Variants in DGKB observed in about 807,000 individuals in gnomAD.
DGKB encodes diacylglycerol kinase beta, also known as 90 kDa diacylglycerol kinase.
A neutral mutation model predicts 114.3 loss-of-function variants in DGKB; 67 were observed. That is an observed-to-expected ratio of 0.59 (90% CI 0.48 to 0.72). The LOEUF is 0.72. Ranked by LOEUF, DGKB falls within the 30% of genes least tolerant of loss-of-function variation. The pLI is 0.00. For missense variants in DGKB, 907 were observed against 975.2 expected, an observed-to-expected ratio of 0.93 and a Z score of 0.93; for synonymous variants, 398 against 323.1, an observed-to-expected ratio of 1.23 and a Z score of -2.49.
At chr7:14,846,799 T>C (rs1363285469) in intron 1 of DGKB, among the ~76,000 whole-genome samples, 1 of 152,214 alleles carries the variant, frequency 6.6e-6, no homozygotes, top group Non-Finnish European at 1.5e-5. Flanking sequence ...TGGGCCACTG[T>C]ACCTGGGCTA....
At chr7:14,264,931 A>C (rs1479449148) in intron 23 of DGKB, among the ~76,000 whole-genome samples, 1 of 152,200 alleles carries the variant, frequency 6.6e-6, no homozygotes, top group Non-Finnish European at 1.5e-5. Flanking sequence ...AATAACTGAA[A>C]CAAAGACTTT....
chr7:14,363,750 G>A (rs183967877), intron 21 of DGKB, among the ~76,000 whole-genome samples: 2 of 152,180 alleles, frequency 1.3e-5, no homozygotes, highest in Admixed American at 1.3e-4. Context: ...TTTGCTACAA[G>A]AGCATTCAGG....
Position 14,392,995 on chromosome 7 carries a change from G to GTTTTTGTTTTTTTTTTTTTGT in DGKB, c.1836-47605_1836-47604insACAAAAAAAAAAAAACAAAAA. ...CAAAACAGACCTGTTTTTTGTTTTT[G>GTTTTTGTTTTTTTTTTTTTGT]TTTTTTTTTTTTTGAGACGGAGTCT... On this transcript the variant is annotated intron_variant, in intron 21 of 25. Coordinates refer to ENST00000402815, the MANE Select transcript of DGKB (RefSeq NM_001350709.2). Among the ~76,000 whole-genome samples, 7 of 60,548 alleles carry GTTTTTGTTTTTTTTTTTTTGT rather than the reference G, an allele frequency of 1.2e-4. 2 individuals carry two copies. In the East Asian group the frequency reaches 2.7e-3, roughly 23 times the overall value. The allele number at this position is 60,548 out of a possible 152,430, so 39.7% of individuals were successfully genotyped here. A position where few individuals can be genotyped will look rare whatever the true frequency, so the allele number is the denominator to read the frequency against.
At position 14,147,737 on chromosome 7, in the gene DGKB, A is replaced by C. The variant is rs549199710; in HGVS notation, c.*1394T>G. On this transcript the variant is annotated 3_prime_UTR_variant, in exon 26 of 26. Transcript: ENST00000402815. ...AACATGCAATGATGAGATGCAGGTC[A>C]ATATGAATGAACAATATTACAAGAC... is the stretch of plus-strand genomic sequence containing the variant. The C allele has an allele frequency of 3.9e-5, 6 of 152,590 alleles. No individual in the cohort carries two copies. The highest frequency in any genetic ancestry group is 8.8e-5 in the Non-Finnish European group (6 of 67,994). The allele number at this position is 152,590 out of a possible 1,614,324, so 9.5% of individuals were successfully genotyped here.
chr7:14,911,573 T>C (rs535507943), intron 1 of DGKB, among the ~76,000 whole-genome samples: 4 of 152,300 alleles, frequency 2.6e-5, no homozygotes, highest in African/African-American at 9.6e-5. Flanking sequence ...CAAGTGTAAA[T>C]TGAATTAACA....
chr7:14,871,453 T>C (rs2128196845), intron 1 of DGKB, among the ~76,000 whole-genome samples: 1 of 152,214 alleles, frequency 6.6e-6, no homozygotes, highest in South Asian at 2.1e-4. Flanking sequence ...AAAAAGATTG[T>C]CTTTAGTTAC....
chr7:14,702,191 A>T (rs1163857462), intron 6 of DGKB, among the ~76,000 whole-genome samples: 1 of 152,186 alleles, frequency 6.6e-6, no homozygotes, highest in African/African-American at 2.4e-5. Context: ...AAGTGAGAAT[A>T]ATCATTCTAC....
chr7:14,703,471 G>A (rs1450650346), intron 6 of DGKB, among the ~76,000 whole-genome samples: 1 of 152,154 alleles, frequency 6.6e-6, no homozygotes, highest in Admixed American at 6.5e-5. Context: ...TTTATGAAGA[G>A]CATTAGAAAA....
chr7:14,528,944 G>A (rs542048660), intron 20 of DGKB, among the ~76,000 whole-genome samples: 1 of 151,968 alleles, frequency 6.6e-6, no homozygotes, highest in Non-Finnish European at 1.5e-5. Context: ...AAAAGATGGA[G>A]TTCAGAATTT....
intron 25 of DGKB, among the ~76,000 whole-genome samples, chr7:14,162,910 C>T (rs1182756527): frequency 6.6e-6 from 1 of 152,070 alleles, no homozygotes; most frequent in Non-Finnish European, 1.5e-5. Context: ...ATCCATTTCC[C>T]CTTTATCCAG....
At chr7:14,869,512 A>AT (rs1339301926) in intron 1 of DGKB, among the ~76,000 whole-genome samples, 1 of 152,104 alleles carries the variant, frequency 6.6e-6, no homozygotes, top group Non-Finnish European at 1.5e-5. Context: ...CTATCATGGT[A>AT]TTTTTTATTA....
intron 19 of DGKB, 143 bp from the exon 20 acceptor site, chr7:14,574,515 A>C (rs1798838828): frequency 5.9e-6 from 4 of 673,622 alleles, no homozygotes; most frequent in Non-Finnish European, 9.8e-6. Flanking sequence ...CAAATGAAGA[A>C]TTAATTATAA....
At chr7:14,222,468 T>C (rs891845768) in intron 23 of DGKB, among the ~76,000 whole-genome samples, 7 of 151,470 alleles carry the variant, frequency 4.6e-5, no homozygotes, top group African/African-American at 1.4e-4. Flanking sequence ...TGTTATTGAT[T>C]TCTAATTTTA....
chr7:14,181,477 C>G (rs1470007446), intron 23 of DGKB, among the ~76,000 whole-genome samples: 1 of 152,164 alleles, frequency 6.6e-6, no homozygotes, highest in Non-Finnish European at 1.5e-5. Context: ...TGCCACAATC[C>G]ATTGGTTATT....
At chr7:14,580,045 G>A (rs1444723490) in intron 19 of DGKB, among the ~76,000 whole-genome samples, 2 of 152,122 alleles carry the variant, frequency 1.3e-5, no homozygotes, top group Non-Finnish European at 2.9e-5. Flanking sequence ...GATAAATATA[G>A]CCTATTAGTG....
In DGKB at chr7:14,182,217, A is replaced by C. The variant is rs141025124; in HGVS notation, c.2123-4066T>G. 2.3e-3 allele frequency among the ~76,000 whole-genome samples: 351 copies of C among 151,898 alleles called. 1 individual carries two copies. The highest frequency in any genetic ancestry group is 8.1e-3 in the African/African-American group (337 of 41,474). ...CTCTATAAAATAAAATAACACATTA[A>C]ATTTTATTTTTTTTATTTTTATCTT... On this transcript the variant is annotated intron_variant, in intron 23 of 25. Coordinates refer to ENST00000402815, the MANE Select transcript of DGKB (RefSeq NM_001350709.2).
chr7:14,347,380 T>C (rs908162278), intron 21 of DGKB, among the ~76,000 whole-genome samples: 1 of 151,974 alleles, frequency 6.6e-6, no homozygotes, highest in Non-Finnish European at 1.5e-5. Context: ...AAAACAGTAC[T>C]AAGTTTCCTC....
chr7:14,443,533 G>A (rs1187595849), intron 21 of DGKB, among the ~76,000 whole-genome samples: 1 of 152,066 alleles, frequency 6.6e-6, no homozygotes, highest in Non-Finnish European at 1.5e-5. Context: ...ATCATGGGTT[G>A]ACAATTATTT....
At chr7:14,711,926 A>G (rs1414435327) in intron 6 of DGKB, among the ~76,000 whole-genome samples, 1 of 152,224 alleles carries the variant, frequency 6.6e-6, no homozygotes, top group Non-Finnish European at 1.5e-5. Context: ...CCTTATCCCC[A>G]GTAAGTCAAT....
Sources: allele counts gnomAD v4.1 joint callset (sites outside exome capture counted in the v4.1 genomes callset), GRCh38; gene constraint gnomAD v4.1.1; transcripts MANE v1.5; gene names NCBI Gene and HGNC (gene_info 2026-07-23, HGNC 2026-07-21).